Variants in GLI2 observed in about 807,000 individuals in gnomAD.
GLI2 encodes the protein transcription activator GLI2.
GLI2 carries 22 observed loss-of-function variants against 78.9 expected under a neutral mutation model. The ratio of observed to expected loss-of-function variants is 0.28; its 90% CI spans 0.20 to 0.40. The LOEUF (loss-of-function observed/expected upper bound fraction) is 0.40. Among genes scored for constraint, GLI2 ranks in the 10% least tolerant of loss-of-function variants. GLI2 has a pLI of 1.00. For missense variants in GLI2, 2,097 were observed against 2,213.2 expected (o/e 0.95, Z 1.05); for synonymous variants, 974 against 963.7 (o/e 1.01, Z -0.20).
chr2:120,767,965 C>T (rs1683412815), intron 1 of GLI2, among the ~76,000 whole-genome samples: 1 of 152,258 alleles, frequency 6.6e-6, no homozygotes, highest in Middle Eastern at 3.4e-3. Context: ...GCCACCCTCA[C>T]CCCCCACCAC....
Position 120,984,749 on chromosome 2 carries a change from C to A in GLI2, c.1905+6C>A. 6.2e-7 allele frequency: 1 copy of A among 1,611,606 alleles called. No individual in the cohort carries two copies. The highest frequency in any genetic ancestry group is 2.2e-5 in the East Asian group (1 of 44,864). ...TCAAGACCGAGAGCTCCGGGGTAAG[C>A]GGAGCTGGGCAGCCCAGCCACGCAA... On this transcript the variant is annotated splice_donor_region_variant and intron_variant, in intron 12 of 13. Transcript: ENST00000361492.
At chr2:120,932,814 T>G (rs1573625371) in intron 3 of GLI2, among the ~76,000 whole-genome samples, 1 of 152,112 alleles carries the variant, frequency 6.6e-6, no homozygotes, top group Non-Finnish European at 1.5e-5. Flanking sequence ...GGAGACTGGG[T>G]GGCAGAGGCC....
At chr2:120,930,899 C>T (rs1399784158) in intron 3 of GLI2, among the ~76,000 whole-genome samples, 1 of 152,212 alleles carries the variant, frequency 6.6e-6, no homozygotes, top group Non-Finnish European at 1.5e-5. Context: ...GGGCCTGCTT[C>T]CTTCCCTTGC....
chr2:120,874,767 C>T (rs1215535158), intron 2 of GLI2, among the ~76,000 whole-genome samples: 2 of 152,212 alleles, frequency 1.3e-5, no homozygotes, highest in African/African-American at 4.8e-5. Context: ...CTCGCTGTGG[C>T]AGCTGCTGTC....
intron 1 of GLI2, among the ~76,000 whole-genome samples, chr2:120,741,796 G>A (rs1682554527): frequency 2.0e-5 from 3 of 152,040 alleles, no homozygotes; most frequent in African/African-American, 4.8e-5. Flanking sequence ...GCGCCGGCCT[G>A]GTTTGCAGCT....
intron 2 of GLI2, among the ~76,000 whole-genome samples, chr2:120,853,048 C>T (rs1339774983): frequency 1.3e-5 from 2 of 152,154 alleles, no homozygotes; most frequent in Non-Finnish European, 2.9e-5. Flanking sequence ...CTCTGGCCCT[C>T]GACATGATCG....
At chr2:120,905,850 T>A (rs1035311092) in intron 2 of GLI2, among the ~76,000 whole-genome samples, 1 of 150,624 alleles carries the variant, frequency 6.6e-6, no homozygotes, top group Admixed American at 6.6e-5. Context: ...AGGGGCTGAT[T>A]GGGGGAGGGC....
In GLI2 at chr2:120,972,007, A is replaced by G; in HGVS notation, c.1126A>G (p.Lys376Glu). Residue 376 changes from lysine (K) to glutamate (E), a missense_variant, in exon 8 of 14, where the codon AAG becomes GAG. By Grantham distance (56) the Lys-to-Glu change is moderately conservative. Around this residue, in one of 5 missense-constraint regions of GLI2, gnomAD observed 578 missense variants for 612.0 expected, o/e 0.94. Transcript: ENST00000361492. Reference protein sequence around the residue: ...VNPVAIHKRSKVKTEPEGLRP... With the variant: ...VNPVAIHKRSEVKTEPEGLRP... ...CCCTGTCGCCATTCACAAGCGCAGC[A>G]AGGTCAAGACCGAGCCTGAGGGCCT... is the stretch of plus-strand genomic sequence containing the variant. The G allele has an allele frequency of 1.9e-6, 3 of 1,613,666 alleles. No homozygotes were observed. The East Asian group carries it at 6.7e-5, about 36-fold the overall frequency.
chr2:120,794,689 G>T (rs1314436412), intron 1 of GLI2, among the ~76,000 whole-genome samples: 4 of 152,112 alleles, frequency 2.6e-5, no homozygotes, highest in African/African-American at 7.2e-5. Flanking sequence ...GGCTGGTGTG[G>T]TGGTGCCTGT....
In GLI2 at chr2:120,783,026, G is replaced by C. The variant is rs183180739; in HGVS notation, c.-30-14265G>C. 4.4e-3 allele frequency among the ~76,000 whole-genome samples: 671 copies of C among 152,286 alleles called. 4 individuals carry two copies. Among genetic ancestry groups the C allele is most frequent in the African/African-American group, 0.014 (582 of 41,562 alleles). On this transcript the variant is annotated intron_variant, in intron 1 of 13. Coordinates refer to ENST00000361492, the MANE Select transcript of GLI2 (RefSeq NM_001374353.1). ...TGTTGGGGAGGCCATCGAAAGGAGA[G>C]GGGGAAGGAGCAAGCAGCACACTGC...
Position 120,989,870 on chromosome 2 carries a change from A to G in GLI2, c.3905A>G (p.Gln1302Arg), listed in dbSNP as rs1259184973. ...GGAGTGCCACCACCTCACCCAGTCC[A>G]GAGCTACCCACAGCAGAGCCATCAC... ...LAGVPPPHPV[Q>R]SYPQQSHHLA... Residue 1302 changes from glutamine to arginine, a missense_variant, in exon 14 of 14, where the codon CAG becomes CGG. Gln to Arg is a conservative substitution (Grantham distance 43). This residue lies in a region of GLI2 where 1,290 missense variants were observed against 1,261.7 expected (regional missense o/e 1.02). Transcript: ENST00000361492. 6.2e-7 allele frequency: 1 copy of G among 1,613,078 alleles called. No individual in the cohort carries two copies. Among genetic ancestry groups the G allele is most frequent in the Admixed American group, 1.7e-5 (1 of 60,018 alleles).
chr2:120,916,588 A>AGCGCCCCGGGGC (rs1486681237), intron 2 of GLI2, among the ~76,000 whole-genome samples: 1 of 152,196 alleles, frequency 6.6e-6, no homozygotes, highest in Non-Finnish European at 1.5e-5. Flanking sequence ...CTTACACAGC[A>AGCGCCCCGGGGC]GCGCCCCGGG....
At chr2:120,957,744 C>T (rs1402807840) in intron 5 of GLI2, among the ~76,000 whole-genome samples, 2 of 152,244 alleles carry the variant, frequency 1.3e-5, no homozygotes, top group Non-Finnish European at 1.5e-5. Flanking sequence ...TGTACGTGCA[C>T]ACGTGAGAGA....
intron 5 of GLI2, among the ~76,000 whole-genome samples, chr2:120,959,066 G>T (rs554030822): frequency 5.9e-5 from 9 of 152,334 alleles, no homozygotes; most frequent in Admixed American, 4.6e-4. Context: ...GGACTGGAAG[G>T]GGCTGGGGAG....
chr2:120,759,513 G>A (rs1683150124), intron 1 of GLI2, among the ~76,000 whole-genome samples: 1 of 152,202 alleles, frequency 6.6e-6, no homozygotes, highest in Non-Finnish European at 1.5e-5. Context: ...TTATTGTAAA[G>A]AATATTACAA....
chr2:120,915,721 G>T (rs1679066188), intron 2 of GLI2, among the ~76,000 whole-genome samples: 1 of 152,228 alleles, frequency 6.6e-6, no homozygotes, highest in East Asian at 1.9e-4. Flanking sequence ...ACAGACCAAG[G>T]CTCCCTAGCA....
chr2:120,775,955 C>T (rs1683665289), intron 1 of GLI2, among the ~76,000 whole-genome samples: 1 of 152,266 alleles, frequency 6.6e-6, no homozygotes, highest in Non-Finnish European at 1.5e-5. Flanking sequence ...CCCCAGGCCT[C>T]CTCTAACGCT....
intron 1 of GLI2, among the ~76,000 whole-genome samples, chr2:120,752,864 G>A (rs1285095287): frequency 6.6e-6 from 1 of 152,066 alleles, no homozygotes; most frequent in African/African-American, 2.4e-5. Context: ...CTTTTCCTGT[G>A]AGCACATAAA....
chr2:120,801,511 T>C (rs922304183), intron 2 of GLI2, among the ~76,000 whole-genome samples: 2 of 152,266 alleles, frequency 1.3e-5, no homozygotes, highest in African/African-American at 2.4e-5. Flanking sequence ...TTGGTTCATC[T>C]GTGGAACATC....
Sources: gnomAD v4.1 joint callset for allele counts (sites outside exome capture counted in the v4.1 genomes callset) on GRCh38, gnomAD v4.1.1 for gene constraint, gnomAD v4.1.1 regional missense constraint, MANE v1.5 for transcripts, NCBI Gene and HGNC (gene_info 2026-07-23, HGNC 2026-07-21) for gene names.